PCDHA9: variants seen among roughly 807,000 people sequenced by gnomAD.
PCDHA9 encodes the protein protocadherin alpha 9, also known as protocadherin alpha-9.
A neutral mutation model predicts 62.0 loss-of-function variants in PCDHA9; 62 were observed. That is an observed-to-expected ratio of 1.00 (90% CI 0.81 to 1.23). PCDHA9 has a LOEUF of 1.23. Ranked by LOEUF, PCDHA9 falls within the 50% of genes most tolerant of loss-of-function variation. PCDHA9 has a pLI of 0.00. For missense variants in PCDHA9, 1,205 were observed against 1,249.8 expected (o/e 0.96, Z 0.54); for synonymous variants, 557 against 567.6 (o/e 0.98, Z 0.27).
chr5:140,976,511 A>G (rs1216804890), intron 1 of PCDHA9, among the ~76,000 whole-genome samples: 1 of 152,148 alleles, frequency 6.6e-6, no homozygotes, highest in Non-Finnish European at 1.5e-5. Flanking sequence ...AGATCGCGCC[A>G]CTGCACACCA....
intron 1 of PCDHA9, among the ~76,000 whole-genome samples, chr5:140,937,563 G>T (rs986469529): frequency 2.0e-5 from 3 of 151,960 alleles, no homozygotes; most frequent in African/African-American, 7.3e-5. Flanking sequence ...GTTGCAGTGA[G>T]CTGGGATCGC....
chr5:140,849,612 A>T lies in PCDHA9; in HGVS notation c.1117A>T (p.Ser373Cys). The change falls in exon 1 of 4, where the codon AGT becomes TGT. Residue 373 changes from serine to cysteine, a missense_variant. Physicochemically the swap from Ser to Cys is moderately radical, Grantham distance 112. Coordinates refer to ENST00000532602, the MANE Select transcript of PCDHA9 (RefSeq NM_031857.2). Reference protein sequence around the residue: ...AQLGTVIALISVIDLDADANG... With the variant: ...AQLGTVIALICVIDLDADANG... ...ACTGGGGACAGTTATTGCCCTGATTAGTGTGATCGACCTAGACGCAGATGC... is the reference window on the plus strand; with the variant it reads ...ACTGGGGACAGTTATTGCCCTGATTTGTGTGATCGACCTAGACGCAGATGC... 1 of 1,598,736 alleles carries T rather than the reference A, an allele frequency of 6.3e-7. No individual in the cohort carries two copies.
chr5:140,939,280 C>T (rs985518425), intron 1 of PCDHA9, among the ~76,000 whole-genome samples: 1 of 152,064 alleles, frequency 6.6e-6, no homozygotes, highest in Non-Finnish European at 1.5e-5. Flanking sequence ...GCTGTGCCCT[C>T]GTGATCTAAT....
chr5:140,983,754 A>T (rs2097065978), intron 3 of PCDHA9, among the ~76,000 whole-genome samples: 3 of 152,210 alleles, frequency 2.0e-5, no homozygotes. Flanking sequence ...AATCCATTCA[A>T]ATTCAAATAC....
At chr5:140,857,806 G>A (rs1554150689) in intron 1 of PCDHA9, 2 of 1,597,702 alleles carry the variant, frequency 1.3e-6, no homozygotes, top group African/African-American at 1.3e-5. Flanking sequence ...CGGTGGTTGC[G>A]GGTCACGTGG....
intron 1 of PCDHA9, chr5:140,858,764 G>C: frequency 4.4e-6 from 2 of 451,976 alleles, no homozygotes; most frequent in Non-Finnish European, 8.0e-6. Context: ...ACAAATATTT[G>C]TGAGATTAGT....
At chr5:141,009,257 C>T (rs1375950001) in intron 3 of PCDHA9, among the ~76,000 whole-genome samples, 1 of 152,136 alleles carries the variant, frequency 6.6e-6, no homozygotes, top group East Asian at 1.9e-4. Flanking sequence ...GTGTTTGAGA[C>T]CAGCCTGGGC....
chr5:140,890,528 C>T (rs1329794711), intron 1 of PCDHA9, among the ~76,000 whole-genome samples: 3 of 152,060 alleles, frequency 2.0e-5, no homozygotes, highest in South Asian at 2.1e-4. Flanking sequence ...CTTTGTTGAT[C>T]TTCTTTTGAA....
chr5:140,941,573 C>T (rs1220556647), intron 1 of PCDHA9, among the ~76,000 whole-genome samples: 1 of 152,108 alleles, frequency 6.6e-6, no homozygotes, highest in African/African-American at 2.4e-5. Flanking sequence ...CCTCAGCCTC[C>T]CAAAGTGCTG....
At chr5:140,964,266 A>G (rs1408040035) in intron 1 of PCDHA9, among the ~76,000 whole-genome samples, 1 of 152,230 alleles carries the variant, frequency 6.6e-6, no homozygotes, top group Admixed American at 6.5e-5. Context: ...CTCCTTAATA[A>G]TTAAGGCAGT....
intron 1 of PCDHA9, chr5:140,868,015 G>A (rs1161077691): frequency 6.6e-6 from 1 of 152,028 alleles, no homozygotes; most frequent in African/African-American, 2.4e-5. Flanking sequence ...TTAGATTAAG[G>A]AAACCAATGT....
intron 1 of PCDHA9, among the ~76,000 whole-genome samples, chr5:140,899,359 T>C (rs1247414230): frequency 6.6e-6 from 1 of 152,116 alleles, no homozygotes; most frequent in Non-Finnish European, 1.5e-5. Context: ...TTTTGAGATA[T>C]GTCCCATCAA....
At chr5:140,957,897 C>A (rs1563294637) in intron 1 of PCDHA9, among the ~76,000 whole-genome samples, 2 of 151,908 alleles carry the variant, frequency 1.3e-5, no homozygotes, top group East Asian at 3.9e-4. Context: ...TGGCATCAAC[C>A]AAGGCATATT....
chr5:140,870,936 G>A (rs1554164882), intron 1 of PCDHA9: 5 of 1,613,820 alleles, frequency 3.1e-6, no homozygotes, highest in South Asian at 1.1e-5. Flanking sequence ...ATGAATTGCA[G>A]CCGGCGGCGG....
chr5:140,993,535 GAGAT>G (rs2097571300), intron 3 of PCDHA9, among the ~76,000 whole-genome samples: 1 of 151,900 alleles, frequency 6.6e-6, no homozygotes, highest in African/African-American at 2.4e-5. Context: ...GAGAGAGAGA[GAGAT>G]AGAGAAGTGA....
In PCDHA9 at chr5:140,982,463, G is replaced by A. The variant is rs781833977; in HGVS notation, c.2454-12G>A. 1 of 1,614,060 alleles carries A rather than the reference G, an allele frequency of 6.2e-7. No individual in the cohort carries two copies. The highest frequency in any genetic ancestry group is 1.3e-5 in the African/African-American group (1 of 74,928). On this transcript the variant is annotated splice_polypyrimidine_tract_variant and intron_variant, in intron 2 of 3. Coordinates refer to ENST00000532602, the MANE Select transcript of PCDHA9 (RefSeq NM_031857.2). ...TGATCTAACCGTTATCTGGGTCTGT[G>A]TGTTTATTCAGCTCTGTGCACCTAG...
intron 1 of PCDHA9, among the ~76,000 whole-genome samples, chr5:140,978,440 T>G (rs1238163577): frequency 2.0e-5 from 3 of 152,244 alleles, no homozygotes; most frequent in African/African-American, 7.2e-5. Context: ...GCTGGTGTTA[T>G]GACTGGGCAC....
In PCDHA9 at chr5:140,849,329, T is replaced by A. The variant is rs1581180148; in HGVS notation, c.834T>A (p.Ile278=). ...ACGAAGGCTTGAATGGGGATATTAT[T>A]TACTCCTTCTCCAGTGATGTTTCTC... The part of the protein sequence containing the change: ...DLDEGLNGDI[I]YSFSSDVSPD... The change falls in exon 1 of 4, where the codon ATT becomes ATA. Residue 278 remains isoleucine, a synonymous_variant. Coordinates refer to ENST00000532602, the MANE Select transcript of PCDHA9 (RefSeq NM_031857.2). The A allele has an allele frequency of 1.5e-6, 2 of 1,371,780 alleles. No homozygotes were observed. Among genetic ancestry groups the A allele is most frequent in the East Asian group, 4.8e-5 (2 of 41,556 alleles). 85.0% of individuals were successfully genotyped at this position (1,371,780 alleles called of 1,614,324 possible). A position where few individuals can be genotyped will look rare whatever the true frequency, so the allele number is the denominator to read the frequency against.
At chr5:140,995,168 A>G (rs1554254492) in intron 3 of PCDHA9, among the ~76,000 whole-genome samples, 1 of 152,186 alleles carries the variant, frequency 6.6e-6, no homozygotes. Context: ...ATGTTCTTTC[A>G]TAGGTGCACC....
Sources: allele counts gnomAD v4.1 joint callset (sites outside exome capture counted in the v4.1 genomes callset), GRCh38; gene constraint gnomAD v4.1.1; transcripts MANE v1.5; gene names NCBI Gene and HGNC (gene_info 2026-07-23, HGNC 2026-07-21).